Variants in STAT4 observed in about 807,000 individuals in gnomAD.
The protein encoded by STAT4 is signal transducer and activator of transcription 4.
Under a neutral mutation model 110.5 loss-of-function variants are expected in STAT4, and 42 were observed. That is an observed-to-expected ratio of 0.38 (90% CI 0.30 to 0.49). STAT4 has a LOEUF of 0.49. Ranked by LOEUF, STAT4 falls within the 20% of genes least tolerant of loss-of-function variation. STAT4 has a pLI of 0.95. For synonymous variants in STAT4, 284 were observed against 302.2 expected, an observed-to-expected ratio of 0.94 and a Z score of 0.63; for missense variants, 632 against 887.9, an observed-to-expected ratio of 0.71 and a Z score of 3.66.
intron 4 of STAT4, among the ~76,000 whole-genome samples, chr2:191,075,008 A>C (rs1697271882): frequency 6.6e-6 from 1 of 152,106 alleles, no homozygotes; most frequent in African/African-American, 2.4e-5. Flanking sequence ...AAAAATACAA[A>C]ACTTAGCCAG....
intron 3 of STAT4, among the ~76,000 whole-genome samples, chr2:191,115,463 C>T (rs1473769311): frequency 6.6e-6 from 1 of 152,190 alleles, no homozygotes; most frequent in African/African-American, 2.4e-5. Context: ...GATTCCATCA[C>T]CCACTTGTCC....
rs768045385 is a variant in STAT4, at chr2:191,031,497, C to G, written c.2064G>C (p.Arg688Ser). The G allele has an allele frequency of 5.6e-6, 9 of 1,613,002 alleles. No homozygotes were observed. The East Asian group carries it at 2.0e-4, about 36-fold the overall frequency. ...CAGAAGGAACATAACCTTTGTCACCCCTTTCTGTTGGTCTTGAAACTGGAA... is the reference window on the plus strand; with the variant it reads ...CAGAAGGAACATAACCTTTGTCACCGCTTTCTGTTGGTCTTGAAACTGGAA... ...QPCEVSRPTE[R>S]GDKGYVPSVF... The change falls in exon 22 of 24, where the codon AGG becomes AGC. Residue 688 changes from arginine to serine, a missense_variant. This residue lies in a region of STAT4 where 38 missense variants were observed against 33.2 expected (regional missense o/e 1.15). Coordinates refer to ENST00000392320, the MANE Select transcript of STAT4 (RefSeq NM_003151.4). The surrounding 1 kb of genome is among the most constrained non-coding windows in gnomAD (Gnocchi z 4.8).
rs934291093 is a variant in STAT4, at chr2:191,091,615, T to C, written c.274-15290A>G. On this transcript the variant is annotated intron_variant, in intron 3 of 23. Transcript: ENST00000392320. The surrounding 1 kb of genome is among the most constrained non-coding windows in gnomAD (Gnocchi z 5.4). ...TAAAGTTCATATGTGACAGAAAATGTCTGACAACAGCTATGATAGTCACAA... is the reference window on the plus strand; with the variant it reads ...TAAAGTTCATATGTGACAGAAAATGCCTGACAACAGCTATGATAGTCACAA... Among the ~76,000 whole-genome samples the C allele has an allele frequency of 2.0e-5, 3 of 152,210 alleles. No individual in the cohort carries two copies. The highest frequency in any genetic ancestry group is 7.2e-5 in the African/African-American group (3 of 41,464).
intron 3 of STAT4, among the ~76,000 whole-genome samples, chr2:191,106,839 G>T (rs16833260): frequency 4.6e-5 from 7 of 152,012 alleles, no homozygotes; most frequent in East Asian, 1.9e-4. Flanking sequence ...TTAGAATTAG[G>T]GCAGATCCTG....
intron 3 of STAT4, among the ~76,000 whole-genome samples, chr2:191,098,930 A>C (rs1199924070): frequency 1.3e-5 from 2 of 152,050 alleles, no homozygotes; most frequent in African/African-American, 4.8e-5. Context: ...CATATTATAG[A>C]CTTAGGAGAA....
intron 3 of STAT4, among the ~76,000 whole-genome samples, chr2:191,102,972 C>A (rs902363983): frequency 2.4e-4 from 36 of 152,178 alleles, no homozygotes; most frequent in African/African-American, 8.2e-4. Context: ...CTATGCCCAA[C>A]ATGGATTTAA....
intron 3 of STAT4, chr2:191,122,151 A>G (rs887393743): frequency 3.9e-5 from 6 of 152,086 alleles, no homozygotes; most frequent in Non-Finnish European, 8.8e-5. Context: ...GTATCAAAAC[A>G]TCTCATGTAC....
At chr2:191,145,954 A>G (rs1273036797) in intron 3 of STAT4, among the ~76,000 whole-genome samples, 3 of 152,206 alleles carry the variant, frequency 2.0e-5, no homozygotes, top group African/African-American at 7.2e-5. Flanking sequence ...TAAACATTGC[A>G]CATCTACCAC....
chr2:191,128,941 C>A (rs1214274236), intron 3 of STAT4, among the ~76,000 whole-genome samples: 1 of 152,068 alleles, frequency 6.6e-6, no homozygotes, highest in African/African-American at 2.4e-5. Flanking sequence ...ATTTAAAAAG[C>A]AAAACATAGG....
At chr2:191,106,531 C>T (rs1285708828) in intron 3 of STAT4, among the ~76,000 whole-genome samples, 4 of 151,938 alleles carry the variant, frequency 2.6e-5, no homozygotes, top group African/African-American at 9.7e-5. Flanking sequence ...TGGCGCATGC[C>T]TGTAGTTCCA....
Position 191,031,398 on chromosome 2 carries a change from C to G in STAT4, c.2111+52G>C, listed in dbSNP as rs751009523. 6.4e-7 allele frequency: 1 copy of G among 1,565,936 alleles called. No individual in the cohort carries two copies. Among genetic ancestry groups the G allele is most frequent in the Non-Finnish European group, 8.7e-7 (1 of 1,144,728 alleles). On this transcript the variant is annotated intron_variant, in intron 22 of 23. Transcript: ENST00000392320. The surrounding 1 kb of genome is among the most constrained non-coding windows in gnomAD (Gnocchi z 4.8). Reference sequence around the variant, plus strand: ...GTACTCTGCTCTACCTTTAAATCTCCTATAGGAAAGCTTTTTATAAAAATA... The same window carrying G: ...GTACTCTGCTCTACCTTTAAATCTCGTATAGGAAAGCTTTTTATAAAAATA...
In STAT4 at chr2:191,077,924, G is replaced by A. The variant is rs965226056; in HGVS notation, c.274-1599C>T. On this transcript the variant is annotated intron_variant, in intron 3 of 23. Coordinates refer to ENST00000392320, the MANE Select transcript of STAT4 (RefSeq NM_003151.4). The surrounding 1 kb of genome is among the most constrained non-coding windows in gnomAD (Gnocchi z 4.1). ...ATAAAAATGATCCTATTTATGAAGC[G>A]GGGATACCATTTTTTCCATTTCCGT... 2.0e-5 allele frequency among the ~76,000 whole-genome samples: 3 copies of A among 151,930 alleles called. No individual in the cohort carries two copies. Among genetic ancestry groups the A allele is most frequent in the African/African-American group, 4.8e-5 (2 of 41,366 alleles).
At chr2:191,136,207 C>T (rs985171580) in intron 3 of STAT4, among the ~76,000 whole-genome samples, 4 of 152,108 alleles carry the variant, frequency 2.6e-5, no homozygotes, top group African/African-American at 9.7e-5. Flanking sequence ...ATGACCAAAA[C>T]TCTCAACAAA....
chr2:191,064,775 T>C (rs753540644), intron 8 of STAT4, 32 bp downstream of exon 8: 3 of 1,599,330 alleles, frequency 1.9e-6, no homozygotes, highest in East Asian at 2.3e-5. Flanking sequence ...TTCCTGTGGT[T>C]TTCACTAGAA....
At chr2:191,041,216 C>G in intron 14 of STAT4, 68 bp from the exon 15 acceptor site, 1 of 789,368 alleles carries the variant, frequency 1.3e-6, no homozygotes, top group Non-Finnish European at 1.8e-6. Flanking sequence ...AGACTTGTTT[C>G]TATATAAATT....
intron 3 of STAT4, among the ~76,000 whole-genome samples, chr2:191,087,304 C>T (rs537104051): frequency 2.6e-5 from 4 of 152,272 alleles, no homozygotes; most frequent in African/African-American, 7.2e-5. Flanking sequence ...ATCAGCTTGC[C>T]TTTTAATGCG....
chr2:191,034,222 A>T (rs539267719), intron 18 of STAT4, among the ~76,000 whole-genome samples: 26 of 152,124 alleles, frequency 1.7e-4, no homozygotes, highest in East Asian at 5.8e-4. Context: ...GGAGATTGAG[A>T]CCATCCTGAC....
intron 3 of STAT4, among the ~76,000 whole-genome samples, chr2:191,145,625 G>A (rs1010830308): frequency 2.0e-5 from 3 of 152,114 alleles, no homozygotes; most frequent in Non-Finnish European, 2.9e-5. Context: ...ATAGCTCAGC[G>A]CAATCCAAAC....
At chr2:191,073,458 A>G (rs965848188) in intron 4 of STAT4, among the ~76,000 whole-genome samples, 1 of 152,206 alleles carries the variant, frequency 6.6e-6, no homozygotes. Flanking sequence ...AAGCTGAGGC[A>G]GGTGGATTGC....
Sources: allele counts gnomAD v4.1 joint callset (sites outside exome capture counted in the v4.1 genomes callset), GRCh38; gene constraint gnomAD v4.1.1; regional missense constraint gnomAD v4.1.1; non-coding constraint Gnocchi (gnomAD v3.1); transcripts MANE v1.5; gene names NCBI Gene and HGNC (gene_info 2026-07-23, HGNC 2026-07-21).